Variants in UHRF1 observed in about 807,000 individuals in gnomAD.
UHRF1 encodes the protein E3 ubiquitin-protein ligase UHRF1.
In UHRF1, 9 loss-of-function variants were observed where a neutral mutation model predicts 96.5. The ratio of observed to expected loss-of-function variants is 0.09; its 90% confidence interval spans 0.06 to 0.16. UHRF1 has a LOEUF of 0.16. UHRF1 is among the 10% of genes least tolerant of loss of function. The probability of loss-of-function intolerance (pLI) is 1.00; values close to 1 mark genes in which losing one functional copy is unlikely to be tolerated. For missense variants in UHRF1, 626 were observed against 1,131.1 expected (o/e 0.55, Z 6.40); for synonymous variants, 455 against 469.9 (o/e 0.97, Z 0.41).
intron 5 of UHRF1, among the ~76,000 whole-genome samples, chr19:4,935,831 G>C (rs1599271734): frequency 6.6e-6 from 1 of 152,212 alleles, no homozygotes; most frequent in Admixed American, 6.5e-5. Context: ...CAGGAGGTGG[G>C]GGTTGTGGGG....
intron 1 of UHRF1, chr19:4,910,401 G>C (rs979259004): frequency 1.3e-5 from 2 of 151,990 alleles, no homozygotes; most frequent in Non-Finnish European, 2.9e-5. Context: ...CGCGGATCTC[G>C]GGTGGGGTTT....
rs183425532 is a variant in UHRF1, at chr19:4,904,117, C to T, written c.-11+472C>T. Reference sequence around the variant, plus strand: ...TCAGCCTCCCAAGTAGCTGGGATTACGGGCATGGGGGTTACAGGCACCTGC... The same window carrying T: ...TCAGCCTCCCAAGTAGCTGGGATTATGGGCATGGGGGTTACAGGCACCTGC... On this transcript the variant is annotated intron_variant, in intron 1 of 16. Coordinates refer to the UHRF1 transcript ENST00000612630. Among the ~76,000 whole-genome samples, 351 of 152,098 alleles carry T rather than the reference C, an allele frequency of 2.3e-3. 2 individuals are homozygous for T. The highest frequency in any genetic ancestry group is 3.5e-3 in the Non-Finnish European group (241 of 67,998).
intron 2 of UHRF1, among the ~76,000 whole-genome samples, chr19:4,922,623 G>A (rs1322765089): frequency 1.3e-5 from 2 of 152,282 alleles, no homozygotes; most frequent in East Asian, 3.9e-4. Context: ...CTCACCTGTG[G>A]GGTCAGAACT....
intron 15 of UHRF1, 41 bp from the exon 16 acceptor site, chr19:4,956,668 G>T: frequency 5.3e-6 from 7 of 1,326,738 alleles, no homozygotes; most frequent in Non-Finnish European, 7.5e-6. Context: ...GGGAGCCCTG[G>T]TCCCGGTGTC....
chr19:4,905,976 G>A (rs2032057236), upstream of UHRF1, among the ~76,000 whole-genome samples: 1 of 152,088 alleles, frequency 6.6e-6, no homozygotes, highest in South Asian at 2.1e-4. Flanking sequence ...ATTAACTTGA[G>A]CAATTATTAC....
chr19:4,908,161 C>G (rs2032109720), upstream of UHRF1, among the ~76,000 whole-genome samples: 1 of 152,192 alleles, frequency 6.6e-6, no homozygotes. Context: ...AAATCATTAA[C>G]TGAATCACAC....
chr19:4,910,728 G>A (rs2032234139), intron 1 of UHRF1, 148 bp from the exon 2 acceptor site: 1 of 860,328 alleles, frequency 1.2e-6, no homozygotes, highest in African/African-American at 1.7e-5. Context: ...CCTGGCCAGG[G>A]TCTGGCTGTA....
At chr19:4,943,468 C>G (rs909126155) in intron 7 of UHRF1, among the ~76,000 whole-genome samples, 1 of 149,838 alleles carries the variant, frequency 6.7e-6, no homozygotes, top group African/African-American at 2.5e-5. Flanking sequence ...ATTCCTCCAG[C>G]ACAGAAGTGG....
chr19:4,947,879 C>A (rs2033615796), intron 11 of UHRF1, among the ~76,000 whole-genome samples: 1 of 151,864 alleles, frequency 6.6e-6, no homozygotes. Flanking sequence ...TCGAGGATAC[C>A]TTGAGTTCAG....
At chr19:4,923,325 C>T (rs2032763012) in intron 2 of UHRF1, among the ~76,000 whole-genome samples, 2 of 152,196 alleles carry the variant, frequency 1.3e-5, no homozygotes, top group African/African-American at 4.8e-5. Flanking sequence ...GGTTCTTGGC[C>T]TGTCTGGCCC....
chr19:4,957,820 G>A (rs1011773628), intron 16 of UHRF1, among the ~76,000 whole-genome samples: 4 of 152,172 alleles, frequency 2.6e-5, no homozygotes, highest in Non-Finnish European at 5.9e-5. Flanking sequence ...ACCTTCCAGT[G>A]TCCCCTGGGG....
chr19:4,942,207 T>G (rs2033426791), intron 7 of UHRF1, among the ~76,000 whole-genome samples: 1 of 152,058 alleles, frequency 6.6e-6, no homozygotes, highest in Non-Finnish European at 1.5e-5. Flanking sequence ...TTTCTTTTTT[T>G]TTTGCGGCGG....
Position 4,930,608 on chromosome 19 carries a change from C to G in UHRF1, c.409-108C>G, listed in dbSNP as rs886691964. On this transcript the variant is annotated intron_variant, in intron 3 of 16. Coordinates refer to ENST00000650932, the MANE Select transcript of UHRF1 (RefSeq NM_001048201.3). This position sits in a 1 kb window ranked among gnomAD's most constrained non-coding sequence, Gnocchi z 4.4. ...GAGGAGAAACCTCGCTGTGGGCATT[C>G]GAGTTTGCGCCCTGGTTCCAGAGCA... 7.3e-7 allele frequency: 1 copy of G among 1,363,708 alleles called. No individual in the cohort carries two copies. Among genetic ancestry groups the G allele is most frequent in the East Asian group, 2.5e-5 (1 of 39,688 alleles). 84.5% of individuals were successfully genotyped at this position (1,363,708 alleles called of 1,614,324 possible). A position where few individuals can be genotyped will look rare whatever the true frequency, so the allele number is the denominator to read the frequency against.
chr19:4,942,220 T>C lies in UHRF1; in HGVS notation c.1073+289T>C, dbSNP rs900080907. 7.3e-5 allele frequency among the ~76,000 whole-genome samples: 11 copies of C among 151,506 alleles called. No homozygotes were observed. In the Admixed American group the frequency reaches 7.3e-4, roughly 10 times the overall value. On this transcript the variant is annotated intron_variant, in intron 7 of 16. Transcript: ENST00000650932. Reference sequence around the variant, plus strand: ...CTTTTCTTTTTTTTTTGCGGCGGAGTCTCGCTGTCTCCCAGGCTGGAGTGC... The same window carrying C: ...CTTTTCTTTTTTTTTTGCGGCGGAGCCTCGCTGTCTCCCAGGCTGGAGTGC...
In UHRF1 at chr19:4,929,488, C is replaced by T. The variant is rs745835317; in HGVS notation, c.408+12C>T. 14 of 1,604,880 alleles carry T rather than the reference C, an allele frequency of 8.7e-6. 2 individuals are homozygous for T. The African/African-American group carries it at 1.7e-4, about 20-fold the overall frequency. On this transcript the variant is annotated intron_variant, in intron 3 of 16. Transcript: ENST00000650932. ...TGGGGCTGTACAAGGTGAGCCTCCC[C>T]TCCGCAGCTGCTCTGGGGTTGGACG...
intron 11 of UHRF1, 24 bp from the exon 12 acceptor site, chr19:4,950,587 G>C: frequency 1.2e-6 from 2 of 1,606,176 alleles, no homozygotes; most frequent in African/African-American, 1.3e-5. Flanking sequence ...CCTATAATGC[G>C]TGGGGTCCTG....
Position 4,960,714 on chromosome 19 carries a change from G to A in UHRF1, c.2293G>A (p.Asp765Asn), listed in dbSNP as rs1427793545. Residue 765 changes from aspartate to asparagine, a missense_variant, in exon 17 of 17, where the codon GAC becomes AAC. Physicochemically the swap from Asp to Asn is conservative, Grantham distance 23. Coordinates refer to ENST00000650932, the MANE Select transcript of UHRF1 (RefSeq NM_001048201.3). ...QVFSCPACRY[D>N]LGRSYAMQVN... ...GTTCAGCTGCCCTGCCTGCCGCTAC[G>A]ACCTGGGCCGCAGCTATGCCATGCA... 1.9e-6 allele frequency: 3 copies of A among 1,578,674 alleles called. No homozygotes were observed. Among genetic ancestry groups the A allele is most frequent in the Non-Finnish European group, 2.6e-6 (3 of 1,163,098 alleles).
chr19:4,910,871 C>G lies in UHRF1; in HGVS notation c.-10-5C>G. 1.2e-6 allele frequency: 2 copies of G among 1,601,402 alleles called. No homozygotes were observed. Among genetic ancestry groups the G allele is most frequent in the Non-Finnish European group, 1.7e-6 (2 of 1,172,032 alleles). The stretch of plus-strand genomic sequence containing the variant: ...GATGGGGGTTTTTGCTGTCCCTCCC[C>G]TCAGCGCCGACACCATGTGGATCCA... On this transcript the variant is annotated splice_region_variant and splice_polypyrimidine_tract_variant and intron_variant, in intron 1 of 16. Coordinates refer to ENST00000650932, the MANE Select transcript of UHRF1 (RefSeq NM_001048201.3).
chr19:4,952,612 C>A (rs1408659344), intron 13 of UHRF1, among the ~76,000 whole-genome samples: 1 of 151,840 alleles, frequency 6.6e-6, no homozygotes, highest in Non-Finnish European at 1.5e-5. Flanking sequence ...AGGCTGGTGA[C>A]CTCAGGTGAT....
Sources: gnomAD v4.1 joint callset for allele counts (sites outside exome capture counted in the v4.1 genomes callset) on GRCh38, gnomAD v4.1.1 for gene constraint, Gnocchi (gnomAD v3.1) non-coding constraint, MANE v1.5 for transcripts, NCBI Gene and HGNC (gene_info 2026-07-23, HGNC 2026-07-21) for gene names.